MDGA2: variants seen among roughly 807,000 people sequenced by gnomAD.
MDGA2 encodes the protein MAM domain containing glycosylphosphatidylinositol anchor 2, also known as MAM domain-containing glycosylphosphatidylinositol anchor protein 2.
A neutral mutation model predicts 117.8 loss-of-function variants in MDGA2; 40 were observed. That is an observed-to-expected ratio of 0.34 (90% CI 0.26 to 0.44). MDGA2 has a LOEUF of 0.44. Ranked by LOEUF, MDGA2 falls within the 20% of genes least tolerant of loss-of-function variation. The pLI, the probability that MDGA2 is intolerant of heterozygous loss-of-function variation, is 1.00. For synonymous variants in MDGA2, 452 were observed against 439.0 expected (o/e 1.03, Z -0.37); for missense variants, 1,123 against 1,250.6 (o/e 0.90, Z 1.54).
At chr14:47,036,126 C>T (rs1888839593) in intron 7 of MDGA2, among the ~76,000 whole-genome samples, 1 of 151,356 alleles carries the variant, frequency 6.6e-6, no homozygotes. Flanking sequence ...AAAAATTAGC[C>T]CAGCATGGTG....
chr14:47,656,163 A>C (rs1191002746), intron 1 of MDGA2, among the ~76,000 whole-genome samples: 1 of 152,208 alleles, frequency 6.6e-6, no homozygotes, highest in Non-Finnish European at 1.5e-5. Flanking sequence ...GCCAAGTCAT[A>C]AGATCAAGTA....
intron 8 of MDGA2, among the ~76,000 whole-genome samples, chr14:47,014,211 A>C (rs151311098): frequency 6.6e-6 from 1 of 152,152 alleles, no homozygotes. Flanking sequence ...ACTATGCTGT[A>C]AATAGATGTG....
At chr14:47,446,540 A>G (rs922527029) in intron 1 of MDGA2, among the ~76,000 whole-genome samples, 20 of 152,256 alleles carry the variant, frequency 1.3e-4, no homozygotes, top group African/African-American at 4.8e-4. Context: ...GTTTTAATAG[A>G]AAATTCTTTG....
At chr14:47,286,788 A>T (rs1479508676) in intron 2 of MDGA2, among the ~76,000 whole-genome samples, 1 of 116,400 alleles carries the variant, frequency 8.6e-6, no homozygotes, top group Non-Finnish European at 1.7e-5. Context: ...AACCAGGACT[A>T]TCTCAGGCAT....
chr14:46,842,729 A>G (rs748082174), intron 16 of MDGA2, among the ~76,000 whole-genome samples: 35 of 152,286 alleles, frequency 2.3e-4, no homozygotes, highest in Non-Finnish European at 4.0e-4. Flanking sequence ...TAAACTAGCT[A>G]AAGTTGCAAA....
At chr14:47,540,534 G>GTGTGTT in intron 1 of MDGA2, among the ~76,000 whole-genome samples, 1 of 71,352 alleles carries the variant, frequency 1.4e-5, no homozygotes, top group African/African-American at 4.0e-5. Flanking sequence ...GTGTGTGTGT[G>GTGTGTT]TGTGTGTATA....
chr14:47,294,434 T>C (rs1347242306), intron 2 of MDGA2, among the ~76,000 whole-genome samples: 2 of 152,130 alleles, frequency 1.3e-5, no homozygotes, highest in African/African-American at 4.8e-5. Flanking sequence ...GTTTGGATGC[T>C]TATCCTAAAC....
At chr14:47,122,003 T>C (rs549427646) in intron 5 of MDGA2, among the ~76,000 whole-genome samples, 2 of 152,016 alleles carry the variant, frequency 1.3e-5, no homozygotes, top group Non-Finnish European at 2.9e-5. Context: ...TTTGCTTGCA[T>C]GGACCTTGGG....
chr14:47,101,368 C>T (rs1434163236), intron 5 of MDGA2, among the ~76,000 whole-genome samples: 5 of 152,152 alleles, frequency 3.3e-5, no homozygotes, highest in African/African-American at 1.2e-4. Context: ...CACCTCTTCT[C>T]CTGGCAAACA....
Position 47,555,446 on chromosome 14 carries a change from C to G in MDGA2, c.280+119071G>C, listed in dbSNP as rs556002918. On this transcript the variant is annotated intron_variant, in intron 1 of 16. Coordinates refer to ENST00000399232, the MANE Select transcript of MDGA2 (RefSeq NM_001113498.3). ...GGAAAGACACAGCATTTTATTCTGA[C>G]CAATATGTGTGCTGGGGATATTTGA... is the stretch of plus-strand genomic sequence containing the variant. 9.2e-5 allele frequency among the ~76,000 whole-genome samples: 14 copies of G among 152,112 alleles called. No individual in the cohort carries two copies. The East Asian group carries it at 1.6e-3, about 17-fold the overall frequency.
At chr14:47,342,861 C>T (rs1171891280) in intron 1 of MDGA2, 5 of 360,760 alleles carry the variant, frequency 1.4e-5, no homozygotes, top group African/African-American at 1.1e-4. Context: ...TCCTTAAACA[C>T]TTAAAGGCTA....
intron 1 of MDGA2, among the ~76,000 whole-genome samples, chr14:47,370,483 T>C (rs1426133550): frequency 1.3e-5 from 1 of 76,390 alleles, no homozygotes; most frequent in South Asian, 4.8e-4. Flanking sequence ...TTTTTTTTTT[T>C]TTTTTTTTTT....
At chr14:47,151,686 G>A (rs991449101) in intron 3 of MDGA2, among the ~76,000 whole-genome samples, 19 of 151,700 alleles carry the variant, frequency 1.3e-4, no homozygotes, top group African/African-American at 4.6e-4. Context: ...TATTTTAAAA[G>A]TGTATGATTT....
chr14:47,321,502 T>G (rs1889977465), intron 1 of MDGA2, among the ~76,000 whole-genome samples: 1 of 152,206 alleles, frequency 6.6e-6, no homozygotes, highest in Non-Finnish European at 1.5e-5. Flanking sequence ...TTGTCAACAT[T>G]CAATGCCAGT....
intron 1 of MDGA2, among the ~76,000 whole-genome samples, chr14:47,400,758 CT>C (rs570103742): frequency 7.9e-4 from 52 of 66,200 alleles, no homozygotes; most frequent in African/African-American, 2.6e-3. Flanking sequence ...CTTTTCTTTT[CT>C]TTTTTTTTTT....
chr14:47,576,711 T>C (rs1170302163), intron 1 of MDGA2, among the ~76,000 whole-genome samples: 1 of 152,318 alleles, frequency 6.6e-6, no homozygotes, highest in Non-Finnish European at 1.5e-5. Flanking sequence ...ATAACTTCTT[T>C]AGCTCATCTC....
chr14:47,355,589 C>T (rs947777858), intron 1 of MDGA2, among the ~76,000 whole-genome samples: 2 of 151,960 alleles, frequency 1.3e-5, no homozygotes, highest in Non-Finnish European at 2.9e-5. Context: ...TGGGACCACC[C>T]AGATCTCCCA....
chr14:47,509,889 C>G (rs917069463), intron 1 of MDGA2, among the ~76,000 whole-genome samples: 1 of 152,142 alleles, frequency 6.6e-6, no homozygotes, highest in South Asian at 2.1e-4. Context: ...ACATCCATGT[C>G]TGATCAAATG....
intron 1 of MDGA2, among the ~76,000 whole-genome samples, chr14:47,523,491 T>C (rs1566497529): frequency 6.6e-6 from 1 of 152,168 alleles, no homozygotes; most frequent in Non-Finnish European, 1.5e-5. Flanking sequence ...GAAAAAGTGA[T>C]GACAAAGAGA....
Sources: gnomAD v4.1 joint callset for allele counts (sites outside exome capture counted in the v4.1 genomes callset) on GRCh38, gnomAD v4.1.1 for gene constraint, MANE v1.5 for transcripts, NCBI Gene and HGNC (gene_info 2026-07-23, HGNC 2026-07-21) for gene names.